Variants in DCHS2 observed in about 807,000 individuals in gnomAD.
DCHS2 encodes the protein protocadherin-23.
DCHS2 carries 142 observed loss-of-function variants against 182.4 expected under a neutral mutation model. That is an observed-to-expected ratio of 0.78 (90% CI 0.68 to 0.89). The LOEUF (loss-of-function observed/expected upper bound fraction) is 0.89. DCHS2 is among the 40% of genes least tolerant of loss of function. The probability of loss-of-function intolerance (pLI) is 0.00; values close to 1 mark genes in which losing one functional copy is unlikely to be tolerated. For missense variants in DCHS2, 4,319 were observed against 4,198.6 expected (o/e 1.03, Z -0.79); for synonymous variants, 1,740 against 1,663.3 (o/e 1.05, Z -1.12).
chr4:154,307,351 A>G (rs1468555259), intron 10 of DCHS2, among the ~76,000 whole-genome samples: 2 of 152,266 alleles, frequency 1.3e-5, no homozygotes, highest in South Asian at 2.1e-4. Flanking sequence ...CCACTAAAAG[A>G]TATGTGTGTG....
At chr4:154,405,287 T>G (rs1289242893) in intron 1 of DCHS2, among the ~76,000 whole-genome samples, 2 of 151,672 alleles carry the variant, frequency 1.3e-5, no homozygotes, top group South Asian at 2.1e-4. Context: ...AAATAAAATT[T>G]TATCTTTATC....
At chr4:154,380,608 T>A (rs185228452) in intron 1 of DCHS2, among the ~76,000 whole-genome samples, 21 of 152,262 alleles carry the variant, frequency 1.4e-4, no homozygotes, top group African/African-American at 4.8e-4. Context: ...TTTCCTTACT[T>A]CCACTTTCAA....
chr4:154,234,971 A>C lies in DCHS2; in HGVS notation c.9681T>G (p.Asp3227Glu). 1 of 1,614,050 alleles carries C rather than the reference A, an allele frequency of 6.2e-7. No individual in the cohort carries two copies. Among genetic ancestry groups the C allele is most frequent in the Non-Finnish European group, 8.5e-7 (1 of 1,179,978 alleles). ...ALSTQTTSDH[D>E]GKDNYHWNYL... ...AATTCCAGTGATAGTTGTCTTTTCC[A>C]TCATGATCAGAGGTCGTCTGAGTTG... Residue 3227 changes from aspartate (D) to glutamate (E), a missense_variant, in exon 20 of 20, where the codon GAT becomes GAG. Physicochemically the swap from Asp to Glu is conservative, Grantham distance 45. Transcript: ENST00000357232.
At chr4:154,465,786 G>T (rs1246951007) in intron 1 of DCHS2, among the ~76,000 whole-genome samples, 2 of 152,278 alleles carry the variant, frequency 1.3e-5, no homozygotes, top group East Asian at 1.9e-4. Flanking sequence ...GTCGTTGGGG[G>T]CTATCTTAGA....
intron 15 of DCHS2, 142 bp downstream of exon 15, chr4:154,259,403 G>A: frequency 4.2e-6 from 6 of 1,418,508 alleles, no homozygotes; most frequent in Non-Finnish European, 5.5e-6. Context: ...TCTATAAAAT[G>A]TACATGGCCT....
At position 154,233,613 on chromosome 4, in the gene DCHS2, CA is replaced by C. The variant is rs1190842171; in HGVS notation, c.*922del. The C allele has an allele frequency of 2.0e-5, 3 of 151,900 alleles. No individual in the cohort carries two copies. In the East Asian group the frequency reaches 5.8e-4, roughly 29 times the overall value. The allele number at this position is 151,900 out of a possible 1,614,324, so 9.4% of individuals were successfully genotyped here. A position where few individuals can be genotyped will look rare whatever the true frequency, so the allele number is the denominator to read the frequency against. ...CATTGAGTGGATAAATTATTTCACA[CA>C]AAAAAGTTACTGTATCTAGAAGAAA... On this transcript the variant is annotated 3_prime_UTR_variant, in exon 20 of 20. Transcript: ENST00000357232.
intron 14 of DCHS2, among the ~76,000 whole-genome samples, chr4:154,268,824 CT>C (rs1733424210): frequency 6.6e-6 from 1 of 151,998 alleles, no homozygotes; most frequent in South Asian, 2.1e-4. Context: ...TGGACTAACC[CT>C]AGGAAGATTT....
At chr4:154,321,921 CT>C in intron 8 of DCHS2, among the ~76,000 whole-genome samples, 1 of 152,144 alleles carries the variant, frequency 6.6e-6, no homozygotes, top group South Asian at 2.1e-4. Context: ...TCTGGAGTTA[CT>C]TTTCTAAATT....
chr4:154,342,940 A>G (rs994782751), intron 3 of DCHS2, among the ~76,000 whole-genome samples: 16 of 152,226 alleles, frequency 1.1e-4, no homozygotes, highest in Non-Finnish European at 1.5e-4. Context: ...GTATTTCTTA[A>G]ATAAAATACT....
intron 1 of DCHS2, among the ~76,000 whole-genome samples, chr4:154,428,857 C>T (rs547586775): frequency 2.0e-4 from 30 of 151,996 alleles, no homozygotes; most frequent in African/African-American, 7.2e-4. Context: ...GAGCTGAGAT[C>T]GCACCACTGC....
Position 154,329,492 on chromosome 4 carries a change from T to C in DCHS2, c.3918+31A>G, listed in dbSNP as rs745312367. 3 of 1,596,604 alleles carry C rather than the reference T, an allele frequency of 1.9e-6. No individual in the cohort carries two copies. In the South Asian group the frequency reaches 3.4e-5, roughly 18 times the overall value. On this transcript the variant is annotated intron_variant, in intron 6 of 19. Transcript: ENST00000357232. ...GCTCAAAACAAATGACTTAAGATAT[T>C]ACAAATTCATTGCAAGGTTTCTTCA... is the stretch of plus-strand genomic sequence containing the variant.
At chr4:154,446,702 A>T (rs1734298797) in intron 1 of DCHS2, among the ~76,000 whole-genome samples, 1 of 152,100 alleles carries the variant, frequency 6.6e-6, no homozygotes, top group South Asian at 2.1e-4. Context: ...ACATGATGGG[A>T]CCTACAATGC....
In DCHS2 at chr4:154,490,330, C is replaced by T; in HGVS notation, c.1026G>A (p.Gly342=). 6.5e-7 allele frequency: 1 copy of T among 1,543,416 alleles called. No homozygotes were observed. Among genetic ancestry groups the T allele is most frequent in the Non-Finnish European group, 8.7e-7 (1 of 1,146,012 alleles). The part of the protein sequence containing the change: ...RYSVRARQVP[G]AGSGGGALGD... Reference sequence around the variant, plus strand: ...CCAGTGCCCCGCCGCCGCTACCCGCCCCAGGCACTTGCCGGGCGCGGACGC... The same window carrying T: ...CCAGTGCCCCGCCGCCGCTACCCGCTCCAGGCACTTGCCGGGCGCGGACGC... Residue 342 remains glycine, a synonymous_variant, in exon 1 of 20, where the codon GGG becomes GGA. Transcript: ENST00000357232.
At chr4:154,438,718 C>A (rs1733879767) in intron 1 of DCHS2, among the ~76,000 whole-genome samples, 1 of 152,170 alleles carries the variant, frequency 6.6e-6, no homozygotes, top group Non-Finnish European at 1.5e-5. Context: ...TTCCTAGTCG[C>A]TTTATTCCTA....
intron 7 of DCHS2, among the ~76,000 whole-genome samples, chr4:154,323,684 G>A (rs1292618232): frequency 6.6e-6 from 1 of 152,092 alleles, no homozygotes; most frequent in Non-Finnish European, 1.5e-5. Flanking sequence ...TTCATCTGAT[G>A]GATTGCAGTC....
rs1398472950 is a variant in DCHS2, at chr4:154,329,545, G to A, written c.3896C>T (p.Pro1299Leu). Residue 1299 changes from proline to leucine, a missense_variant, in exon 6 of 20, where the codon CCT (proline) becomes CTT (leucine). Pro to Leu is a moderately conservative substitution (Grantham distance 98). Coordinates refer to ENST00000357232, the MANE Select transcript of DCHS2 (RefSeq NM_001358235.2). ...AACCTTCACGTGTAACTCCTTTCCA[G>A]GGAGACACTGGGGGAAGAAGGGCCT... ...DNRPFFPQCL[P>L]GKELHVKVLE... is the part of the protein sequence containing the mutation. The A allele has an allele frequency of 6.2e-6, 10 of 1,613,524 alleles. No homozygotes were observed. The highest frequency in any genetic ancestry group is 3.3e-5 in the Admixed American group (2 of 60,004).
At chr4:154,305,864 G>GA (rs1735424900) in intron 10 of DCHS2, among the ~76,000 whole-genome samples, 1 of 152,100 alleles carries the variant, frequency 6.6e-6, no homozygotes, top group African/African-American at 2.4e-5. Context: ...TGGTTATGAA[G>GA]ATCATTCATA....
At chr4:154,374,116 C>A (rs1362374438) in intron 2 of DCHS2, 3 of 609,576 alleles carry the variant, frequency 4.9e-6, no homozygotes, top group African/African-American at 3.8e-5. Flanking sequence ...GAGCACTGTG[C>A]TTTCCAGGCT....
intron 3 of DCHS2, among the ~76,000 whole-genome samples, 171 bp downstream of exon 3, chr4:154,366,039 C>T (rs534336744): frequency 1.3e-5 from 2 of 152,122 alleles, no homozygotes; most frequent in Non-Finnish European, 2.9e-5. Context: ...GTCTAACCCA[C>T]TACAAAGCCT....
Sources: allele counts gnomAD v4.1 joint callset (sites outside exome capture counted in the v4.1 genomes callset), GRCh38; gene constraint gnomAD v4.1.1; transcripts MANE v1.5; gene names NCBI Gene and HGNC (gene_info 2026-07-23, HGNC 2026-07-21).